OPCML: variants seen among roughly 807,000 people sequenced by gnomAD.
The protein encoded by OPCML is opioid binding protein/cell adhesion molecule like, also known as opioid-binding protein/cell adhesion molecule.
Under a neutral mutation model 37.8 loss-of-function variants are expected in OPCML, and 13 were observed. The observed-to-expected ratio is 0.34, with a 90% CI of 0.22 to 0.55. OPCML has a LOEUF of 0.55. OPCML is among the 20% of genes least tolerant of loss of function. The probability of loss-of-function intolerance (pLI) is 0.91; values close to 1 mark genes in which losing one functional copy is unlikely to be tolerated. For synonymous variants in OPCML, 176 were observed against 168.8 expected (o/e 1.04, Z -0.33); for missense variants, 341 against 435.6 (o/e 0.78, Z 1.93).
intron 1 of OPCML, among the ~76,000 whole-genome samples, chr11:133,475,151 T>C (rs1196604221): frequency 6.6e-6 from 1 of 152,220 alleles, no homozygotes; most frequent in African/African-American, 2.4e-5. Flanking sequence ...CAACTGAATG[T>C]TTCAGAAATG....
At chr11:132,603,397 A>T (rs972867948) in intron 3 of OPCML, among the ~76,000 whole-genome samples, 1 of 152,158 alleles carries the variant, frequency 6.6e-6, no homozygotes, top group African/African-American at 2.4e-5. Flanking sequence ...TTCATCCTCC[A>T]CATTCAGTTC....
intron 1 of OPCML, among the ~76,000 whole-genome samples, chr11:133,355,641 G>A (rs1159934466): frequency 6.6e-6 from 1 of 152,292 alleles, no homozygotes. Context: ...CCTCAGCCCA[G>A]TGCCCTTCCT....
At chr11:133,326,327 G>A (rs1031058439) in intron 1 of OPCML, among the ~76,000 whole-genome samples, 4 of 104,424 alleles carry the variant, frequency 3.8e-5, no homozygotes, top group African/African-American at 1.6e-4. Context: ...GTGTGTGGGG[G>A]GAGTGGGTGT....
intron 2 of OPCML, among the ~76,000 whole-genome samples, chr11:132,879,768 T>C (rs1420320285): frequency 1.3e-5 from 2 of 151,478 alleles, no homozygotes; most frequent in Non-Finnish European, 2.9e-5. Flanking sequence ...GTTTCTCTTA[T>C]GTTTGTATTT....
intron 1 of OPCML, among the ~76,000 whole-genome samples, chr11:133,010,589 G>A (rs1224173804): frequency 6.6e-6 from 1 of 152,172 alleles, no homozygotes; most frequent in Non-Finnish European, 1.5e-5. Context: ...ATGGAAGGAA[G>A]TCTTTAGTGA....
chr11:132,822,271 C>A (rs1213420298), intron 2 of OPCML, among the ~76,000 whole-genome samples: 1 of 152,070 alleles, frequency 6.6e-6, no homozygotes, highest in Non-Finnish European at 1.5e-5. Flanking sequence ...CTCCCACCTC[C>A]CCCCACCGCT....
intron 1 of OPCML, among the ~76,000 whole-genome samples, chr11:133,216,593 G>T (rs1163773250): frequency 6.6e-6 from 1 of 152,042 alleles, no homozygotes; most frequent in Non-Finnish European, 1.5e-5. Context: ...CCTTACATTT[G>T]TATGGTAATT....
intron 2 of OPCML, among the ~76,000 whole-genome samples, chr11:132,924,734 T>G (rs899872596): frequency 2.0e-5 from 3 of 152,222 alleles, no homozygotes; most frequent in Non-Finnish European, 4.4e-5. Flanking sequence ...TAGGCTGTTA[T>G]GTTTGTGTGT....
chr11:133,295,684 G>A (rs934040660), intron 1 of OPCML, among the ~76,000 whole-genome samples: 5 of 152,164 alleles, frequency 3.3e-5, no homozygotes, highest in African/African-American at 1.2e-4. Flanking sequence ...GTTGGCTTGG[G>A]TTATTTCATT....
chr11:132,441,514 T>C (rs939907824), intron 4 of OPCML, among the ~76,000 whole-genome samples: 4 of 152,296 alleles, frequency 2.6e-5, no homozygotes, highest in Non-Finnish European at 5.9e-5. Context: ...ATATTTTCCT[T>C]GTCAAACAGG....
intron 7 of OPCML, chr11:132,435,206 T>C: frequency 3.9e-6 from 5 of 1,289,828 alleles, no homozygotes; most frequent in Non-Finnish European, 5.1e-6. Flanking sequence ...CACAGCACAA[T>C]GCACACACAA....
chr11:133,474,739 C>T (rs1947198757), intron 1 of OPCML, among the ~76,000 whole-genome samples: 1 of 152,186 alleles, frequency 6.6e-6, no homozygotes, highest in Admixed American at 6.5e-5. Context: ...CCTGAACCTA[C>T]TTCTTTCAGA....
At chr11:133,435,184 G>A (rs1387680209) in intron 1 of OPCML, among the ~76,000 whole-genome samples, 1 of 152,052 alleles carries the variant, frequency 6.6e-6, no homozygotes, top group African/African-American at 2.4e-5. Context: ...ATTTTATGTA[G>A]CAAATTATAT....
chr11:133,510,300 G>C (rs1214410122), intron 1 of OPCML, among the ~76,000 whole-genome samples: 3 of 152,220 alleles, frequency 2.0e-5, no homozygotes, highest in Admixed American at 6.5e-5. Flanking sequence ...CTGCAAGATG[G>C]AAGAGGGTAT....
At chr11:133,142,866 T>C (rs527956108) in intron 1 of OPCML, among the ~76,000 whole-genome samples, 50 of 152,046 alleles carry the variant, frequency 3.3e-4, no homozygotes, top group Non-Finnish European at 6.9e-4. Context: ...TCTCTGCCCA[T>C]ACAACACAGT....
intron 1 of OPCML, among the ~76,000 whole-genome samples, chr11:133,083,350 T>C (rs1232128727): frequency 6.6e-6 from 1 of 152,056 alleles, no homozygotes; most frequent in East Asian, 2.0e-4. Context: ...CATGCGTGTG[T>C]GCTCCCACTG....
chr11:132,855,515 C>T (rs959810325), intron 2 of OPCML, among the ~76,000 whole-genome samples: 2 of 152,230 alleles, frequency 1.3e-5, no homozygotes, highest in African/African-American at 4.8e-5. Flanking sequence ...ATGAAGACCA[C>T]TCTGGGTGAT....
At chr11:132,915,338 T>C (rs1944569779) in intron 2 of OPCML, among the ~76,000 whole-genome samples, 1 of 152,232 alleles carries the variant, frequency 6.6e-6, no homozygotes, top group Admixed American at 6.5e-5. Flanking sequence ...GGCATCCACA[T>C]GTGCTATGAT....
intron 1 of OPCML, among the ~76,000 whole-genome samples, chr11:133,313,668 G>A (rs1943119081): frequency 6.6e-6 from 1 of 152,144 alleles, no homozygotes; most frequent in East Asian, 1.9e-4. Context: ...GAGGCCAGGA[G>A]CCAGGGAATG....
Sources: allele counts gnomAD v4.1 joint callset (sites outside exome capture counted in the v4.1 genomes callset), GRCh38; gene constraint gnomAD v4.1.1; transcripts MANE v1.5; gene names NCBI Gene and HGNC (gene_info 2026-07-23, HGNC 2026-07-21).